Variants in TAFA2 observed in about 807,000 individuals in gnomAD.
TAFA2 encodes the protein TAFA chemokine like family member 2, also known as chemokine-like protein TAFA-2.
A neutral mutation model predicts 18.8 loss-of-function variants in TAFA2; 7 were observed. That is an observed-to-expected ratio of 0.37 (90% CI 0.21 to 0.70). TAFA2 has a LOEUF of 0.70. Ranked by LOEUF, TAFA2 falls within the 30% of genes least tolerant of loss-of-function variation. The pLI is 0.53. For synonymous variants in TAFA2, 60 were observed against 54.2 expected, an observed-to-expected ratio of 1.11 and a Z score of -0.47; for missense variants, 122 against 158.1, an observed-to-expected ratio of 0.77 and a Z score of 1.23.
intron 1 of TAFA2, among the ~76,000 whole-genome samples, chr12:61,997,791 C>A (rs988375162): frequency 1.5e-4 from 22 of 151,700 alleles, no homozygotes; most frequent in African/African-American, 5.3e-4. Flanking sequence ...TCCACTTAAG[C>A]ATTGTTTTTT....
chr12:62,236,230 C>T lies in TAFA2; in HGVS notation c.-130+22533G>A, dbSNP rs142505348. 1.8e-3 allele frequency among the ~76,000 whole-genome samples: 274 copies of T among 151,440 alleles called. 1 individual carries two copies. The highest frequency in any genetic ancestry group is 6.5e-3 in the African/African-American group (270 of 41,348). On this transcript the variant is annotated intron_variant, in intron 1 of 5. Coordinates refer to the TAFA2 transcript ENST00000551619. ...GAATTTATGCGTGTATTTACTTTAC[C>T]AGCGAGTTTATGCCTTCAAATGTTT...
chr12:62,066,933 A>C (rs902098112), intron 1 of TAFA2, among the ~76,000 whole-genome samples: 3 of 152,064 alleles, frequency 2.0e-5, no homozygotes, highest in Non-Finnish European at 4.4e-5. Context: ...TCCTACCAAC[A>C]GTGTAGAGGG....
upstream of TAFA2, among the ~76,000 whole-genome samples, chr12:62,196,107 C>A (rs569676090): frequency 8.5e-5 from 13 of 152,322 alleles, no homozygotes; most frequent in African/African-American, 3.1e-4. Context: ...TTCTTTAAAT[C>A]TCATGAACCA....
chr12:62,092,561 C>G (rs17125872), intron 1 of TAFA2, among the ~76,000 whole-genome samples: 2,519 of 152,000 alleles, frequency 0.017, 83 homozygotes, highest in African/African-American at 0.058. Context: ...TCTAGAATAC[C>G]AAACTCATCT....
intron 2 of TAFA2, among the ~76,000 whole-genome samples, chr12:61,816,118 C>T (rs1872073882): frequency 2.0e-5 from 3 of 151,254 alleles, no homozygotes; most frequent in Non-Finnish European, 4.4e-5. Context: ...TTATTTCATA[C>T]TCAGGTATTA....
intron 1 of TAFA2, among the ~76,000 whole-genome samples, chr12:62,005,844 T>C (rs141855031): frequency 4.1e-4 from 62 of 152,248 alleles, no homozygotes; most frequent in African/African-American, 1.4e-3. Context: ...AAGTTCGATG[T>C]CCTTCTGATT....
At chr12:62,107,174 C>A (rs1205811401) in intron 1 of TAFA2, among the ~76,000 whole-genome samples, 1 of 152,070 alleles carries the variant, frequency 6.6e-6, no homozygotes, top group Admixed American at 6.5e-5. Flanking sequence ...TGTAAAATAT[C>A]TCTGGTATTT....
At chr12:61,753,028 A>C (rs1869092733) in intron 4 of TAFA2, among the ~76,000 whole-genome samples, 1 of 152,014 alleles carries the variant, frequency 6.6e-6, no homozygotes, top group African/African-American at 2.4e-5. Flanking sequence ...CATCACCGAG[A>C]GGTCAGTAAT....
intron 1 of TAFA2, among the ~76,000 whole-genome samples, chr12:62,202,604 G>A (rs2062676031): frequency 6.6e-6 from 1 of 152,034 alleles, no homozygotes; most frequent in Non-Finnish European, 1.5e-5. Context: ...TTACAGGCGT[G>A]AGCCACTGTG....
At chr12:61,741,426 T>C (rs1228029152) in intron 4 of TAFA2, among the ~76,000 whole-genome samples, 1 of 152,078 alleles carries the variant, frequency 6.6e-6, no homozygotes, top group East Asian at 1.9e-4. Context: ...TGTTCTATTA[T>C]GATAGTACTA....
intron 1 of TAFA2, among the ~76,000 whole-genome samples, chr12:62,173,405 C>T (rs969846019): frequency 6.6e-6 from 1 of 152,068 alleles, no homozygotes. Flanking sequence ...GAGCAAGACT[C>T]CATCTCAAAA....
At chr12:62,234,255 C>G (rs2062825396) in intron 1 of TAFA2, 6 of 355,934 alleles carry the variant, frequency 1.7e-5, no homozygotes, top group South Asian at 1.2e-4. Context: ...TGGGTCCCCA[C>G]AGCCTTGGTG....
intron 1 of TAFA2, among the ~76,000 whole-genome samples, chr12:61,959,752 TTC>T (rs1194836380): frequency 6.6e-6 from 1 of 152,164 alleles, no homozygotes; most frequent in Non-Finnish European, 1.5e-5. Context: ...TACATATTAT[TTC>T]TGTTTCCACA....
chr12:61,729,804 G>T (rs761473223), intron 4 of TAFA2, among the ~76,000 whole-genome samples: 4 of 151,962 alleles, frequency 2.6e-5, no homozygotes, highest in Non-Finnish European at 5.9e-5. Flanking sequence ...ACCTTATTTT[G>T]TCATATTACC....
At chr12:62,120,224 G>T (rs1026941703) in intron 1 of TAFA2, among the ~76,000 whole-genome samples, 1 of 152,008 alleles carries the variant, frequency 6.6e-6, no homozygotes, top group African/African-American at 2.4e-5. Context: ...TCTAAAATAG[G>T]CCCATCTATG....
intron 4 of TAFA2, among the ~76,000 whole-genome samples, chr12:61,734,562 G>A (rs916698601): frequency 2.0e-5 from 3 of 151,932 alleles, no homozygotes; most frequent in African/African-American, 7.2e-5. Flanking sequence ...CACAGAGAAA[G>A]GAATGTATTA....
At chr12:62,052,975 A>G in intron 1 of TAFA2, among the ~76,000 whole-genome samples, 1 of 152,178 alleles carries the variant, frequency 6.6e-6, no homozygotes, top group East Asian at 1.9e-4. Flanking sequence ...AGGTGATGGG[A>G]AGAAAAGGTG....
At chr12:61,938,396 G>A (rs1877862102) in intron 1 of TAFA2, among the ~76,000 whole-genome samples, 1 of 152,082 alleles carries the variant, frequency 6.6e-6, no homozygotes, top group South Asian at 2.1e-4. Context: ...GCACATCACA[G>A]GGGTTTGGTT....
chr12:61,778,697 C>T (rs781020681), intron 2 of TAFA2, among the ~76,000 whole-genome samples: 1 of 151,840 alleles, frequency 6.6e-6, no homozygotes, highest in African/African-American at 2.4e-5. Context: ...TTATGTCGAC[C>T]TGGGTTTGAG....
Sources: gnomAD v4.1 joint callset for allele counts (sites outside exome capture counted in the v4.1 genomes callset) on GRCh38, gnomAD v4.1.1 for gene constraint, MANE v1.5 for transcripts, NCBI Gene and HGNC (gene_info 2026-07-23, HGNC 2026-07-21) for gene names.